The following CEBPZOS variants were observed in gnomAD, a reference collection of about 807,000 sequenced individuals.
CEBPZOS encodes CEBPZ opposite strand.
CEBPZOS carries 10 observed loss-of-function variants against 4.8 expected under a neutral mutation model. The observed-to-expected ratio is 2.07, with a 90% CI of 1.28 to 3.52. CEBPZOS has a LOEUF of 3.52. Ranked by LOEUF, CEBPZOS falls within the 30% of genes most tolerant of loss-of-function variation. CEBPZOS has a pLI of 0.00. For synonymous variants in CEBPZOS, 25 were observed against 14.2 expected (o/e 1.77, Z -1.72); for missense variants, 98 against 43.6 (o/e 2.25, Z -3.51).
At chr2:37,199,512 G>A (rs1355976742) in intron 1 of CEBPZOS, among the ~76,000 whole-genome samples, 192 bp from the exon 2 acceptor site, 1 of 152,100 alleles carries the variant, frequency 6.6e-6, no homozygotes, top group Non-Finnish European at 1.5e-5. Flanking sequence ...GGTTCATCAT[G>A]CCCCTCAGGC....
intron 4 of CEBPZOS, chr2:37,211,131 T>C (rs116198115): frequency 0.037 from 44,204 of 1,197,874 alleles, 1,018 homozygotes; most frequent in Middle Eastern, 0.054. Context: ...ACAATAAGAC[T>C]GGAAAATATT....
At chr2:37,205,398 C>A (rs1677501617), downstream of CEBPZOS, among the ~76,000 whole-genome samples, 1 of 152,184 alleles carries the variant, frequency 6.6e-6, no homozygotes, top group Non-Finnish European at 1.5e-5. Flanking sequence ...CCTGGCTCAT[C>A]CTGGCTCAAA....
At chr2:37,214,409 C>T (rs1314134296), downstream of CEBPZOS, among the ~76,000 whole-genome samples, 1 of 152,020 alleles carries the variant, frequency 6.6e-6, no homozygotes, top group Admixed American at 6.5e-5. Context: ...TGAATCCATT[C>T]TAAGGGCCAT....
At chr2:37,214,077 A>C, downstream of CEBPZOS, 1 of 493,428 alleles carries the variant, frequency 2.0e-6, no homozygotes, top group South Asian at 3.6e-5. Flanking sequence ...AAGTATACTC[A>C]ATTGGAAATA....
downstream of CEBPZOS, chr2:37,213,827 G>A (rs1232064658): frequency 1.5e-6 from 2 of 1,366,834 alleles, no homozygotes; most frequent in Non-Finnish European, 2.1e-6. Flanking sequence ...ACACATAGTA[G>A]TAGATTATTT....
Position 37,202,166 on chromosome 2 carries a change from T to A in CEBPZOS, c.*306T>A. The A allele has an allele frequency of 8.4e-6, 2 of 237,846 alleles. No homozygotes were observed. Among genetic ancestry groups the A allele is most frequent in the Non-Finnish European group, 7.9e-6 (1 of 126,046 alleles). The allele number at this position is 237,846 out of a possible 1,614,324, so 14.7% of individuals were successfully genotyped here. A position where few individuals can be genotyped will look rare whatever the true frequency, so the allele number is the denominator to read the frequency against. On this transcript the variant is annotated 3_prime_UTR_variant, in exon 5 of 5. Coordinates refer to ENST00000402297, the MANE Select transcript of CEBPZOS (RefSeq NM_001322374.2). The stretch of plus-strand genomic sequence containing the variant: ...TCCCCAAGCACTTTTACTGGTGAAA[T>A]AAAAACCAGTAACAATCAATATGTA...
In CEBPZOS at chr2:37,202,769, A is replaced by G; in HGVS notation, c.*909A>G. 1.3e-6 allele frequency: 2 copies of G among 1,502,660 alleles called. No individual in the cohort carries two copies. The highest frequency in any genetic ancestry group is 1.8e-6 in the Non-Finnish European group (2 of 1,116,696). 93.1% of individuals were successfully genotyped at this position (1,502,660 alleles called of 1,614,324 possible). ...CTATTTTTAAAACATCAATAAAAAA[A>G]TTTAAGTTACTTACTTGCATTATCT... On this transcript the variant is annotated 3_prime_UTR_variant, in exon 5 of 5. Transcript: ENST00000402297.
chr2:37,208,309 C>T (rs529784760), downstream of CEBPZOS, among the ~76,000 whole-genome samples: 11 of 152,156 alleles, frequency 7.2e-5, no homozygotes, highest in South Asian at 1.5e-3. Flanking sequence ...AAGCCAATAT[C>T]GCCCTAATTC....
At chr2:37,206,912 G>T (rs183174706), downstream of CEBPZOS, among the ~76,000 whole-genome samples, 1 of 152,114 alleles carries the variant, frequency 6.6e-6, no homozygotes, top group Non-Finnish European at 1.5e-5. Flanking sequence ...GGAGACTCAC[G>T]TAACACATAA....
At position 37,196,987 on chromosome 2, in the gene CEBPZOS, C is replaced by T. The variant is rs536111266; in HGVS notation, c.-2+467C>T. On this transcript the variant is annotated intron_variant, in intron 1 of 4. Coordinates refer to ENST00000402297, the MANE Select transcript of CEBPZOS (RefSeq NM_001322374.2). The stretch of plus-strand genomic sequence containing the variant: ...GCTAAGCTGGGAGGCCGCCCCGATT[C>T]CCTGGAGCGCATCCCGGGATAAGGG... Among the ~76,000 whole-genome samples the T allele has an allele frequency of 4.0e-4, 61 of 152,344 alleles. 2 individuals carry two copies. Among genetic ancestry groups the T allele is most frequent in the Non-Finnish European group, 4.9e-4 (33 of 68,028 alleles).
At chr2:37,210,718 A>G in intron 4 of CEBPZOS, 1 of 307,800 alleles carries the variant, frequency 3.2e-6, no homozygotes, top group Non-Finnish European at 6.1e-6. Flanking sequence ...ACTACTAAAG[A>G]ACTTACCTAT....
chr2:37,196,863 G>T (rs1296820283), intron 1 of CEBPZOS, among the ~76,000 whole-genome samples: 1 of 152,194 alleles, frequency 6.6e-6, no homozygotes, highest in Non-Finnish European at 1.5e-5. Flanking sequence ...GGAGCCGGGG[G>T]AGCGGAGGCG....
chr2:37,197,496 T>G (rs944760869), intron 1 of CEBPZOS: 1 of 152,264 alleles, frequency 6.6e-6, no homozygotes, highest in Non-Finnish European at 1.5e-5. Context: ...CACCACCCTC[T>G]CTTAAAACAA....
intron 1 of CEBPZOS, among the ~76,000 whole-genome samples, chr2:37,197,597 C>A (rs973048231): frequency 1.3e-5 from 2 of 152,196 alleles, no homozygotes; most frequent in African/African-American, 4.8e-5. Flanking sequence ...AGAGGCCGGG[C>A]GTGGCGGCAC....
downstream of CEBPZOS, chr2:37,215,103 A>T (rs1364670005): frequency 8.3e-6 from 5 of 599,690 alleles, no homozygotes; most frequent in East Asian, 1.4e-4. Context: ...AGTGCAAGGG[A>T]CAATCTCTGA....
chr2:37,211,108 A>T, intron 4 of CEBPZOS: 1 of 1,500,256 alleles, frequency 6.7e-7, no homozygotes. Flanking sequence ...ATTTGCTAAT[A>T]AGCAATTTAA....
chr2:37,201,317 T>C, intron 3 of CEBPZOS: 2 of 526,096 alleles, frequency 3.8e-6, no homozygotes, highest in South Asian at 2.5e-5. Flanking sequence ...ATCATTCATA[T>C]ATGAGGTGAT....
intron 2 of CEBPZOS, among the ~76,000 whole-genome samples, chr2:37,200,415 T>C (rs1017044511): frequency 6.6e-6 from 1 of 152,166 alleles, no homozygotes; most frequent in African/African-American, 2.4e-5. Context: ...GCATACTTGG[T>C]TGGAACGCTG....
chr2:37,203,100 C>G lies in CEBPZOS; in HGVS notation c.*1240C>G, dbSNP rs1437412896. 2.0e-5 allele frequency: 17 copies of G among 852,178 alleles called. No homozygotes were observed. In the Admixed American group the frequency reaches 4.4e-4, roughly 22 times the overall value. 52.8% of individuals were successfully genotyped at this position (852,178 alleles called of 1,614,324 possible). ...ACATGATTTTATTTTAAAAATTATA[C>G]TTGGGTAAAAACAATTGCAATAATC... On this transcript the variant is annotated 3_prime_UTR_variant, in exon 5 of 5. Transcript: ENST00000402297.
Sources: allele counts gnomAD v4.1 joint callset (sites outside exome capture counted in the v4.1 genomes callset), GRCh38; gene constraint gnomAD v4.1.1; transcripts MANE v1.5; gene names NCBI Gene and HGNC (gene_info 2026-07-23, HGNC 2026-07-21).